Variants in TENM2 observed in about 807,000 individuals in gnomAD.
The protein encoded by TENM2 is teneurin-2.
In TENM2, 52 loss-of-function variants were observed where a neutral mutation model predicts 245.2. The ratio of observed to expected loss-of-function variants is 0.21; its 90% CI spans 0.17 to 0.27. The LOEUF is 0.27. Ranked by LOEUF, TENM2 falls within the 10% of genes least tolerant of loss-of-function variation. TENM2 has a pLI of 1.00. For synonymous variants in TENM2, 1,363 were observed against 1,438.9 expected (o/e 0.95, Z 1.19); for missense variants, 3,046 against 3,666.8 (o/e 0.83, Z 4.37).
At chr5:167,150,911 G>T in the TENM2 span, among the ~76,000 whole-genome samples, 1 of 152,118 alleles carries the variant, frequency 6.6e-6, no homozygotes, top group Non-Finnish European at 1.5e-5. Context: ...GGCCATTTAA[G>T]TACATTATTT....
chr5:167,855,725 G>A (rs565541111), intron 2 of TENM2, among the ~76,000 whole-genome samples: 19 of 138,992 alleles, frequency 1.4e-4, no homozygotes, highest in African/African-American at 4.8e-4. Context: ...AAGGAAAGAA[G>A]GGAGGGAGGG....
At chr5:167,841,965 A>G (rs996471983) in intron 2 of TENM2, among the ~76,000 whole-genome samples, 4 of 152,032 alleles carry the variant, frequency 2.6e-5, no homozygotes, top group Non-Finnish European at 4.4e-5. Flanking sequence ...GTCTCTCTCT[A>G]TATATACACA....
intron 2 of TENM2, among the ~76,000 whole-genome samples, chr5:167,702,905 C>T (rs933007481): frequency 3.9e-5 from 6 of 152,164 alleles, no homozygotes; most frequent in South Asian, 2.1e-4. Flanking sequence ...CCCCATGATT[C>T]GCCCGCCTCA....
chr5:167,458,494 CAAAAAAAAA>C (rs70976430), intron 2 of TENM2, among the ~76,000 whole-genome samples: 1 of 82,012 alleles, frequency 1.2e-5, no homozygotes, highest in African/African-American at 4.4e-5. Context: ...CTCAAAAAAA[CAAAAAAAAA>C]AAAAAAAAAA....
At chr5:167,205,003 G>GTGC in the TENM2 span, among the ~76,000 whole-genome samples, 2 of 152,158 alleles carry the variant, frequency 1.3e-5, no homozygotes, top group Non-Finnish European at 2.9e-5. Context: ...AGTAATATAT[G>GTGC]TGCCCCACTG....
intron 17 of TENM2, 44 bp from the exon 20 acceptor site, chr5:168,203,645 C>G: frequency 9.8e-6 from 15 of 1,531,660 alleles, no homozygotes; most frequent in Non-Finnish European, 1.3e-5. Flanking sequence ...ATCAAGTAAA[C>G]TCTCTCTTTT....
At chr5:168,105,215 T>C (rs1274311859) in intron 9 of TENM2, among the ~76,000 whole-genome samples, 1 of 152,132 alleles carries the variant, frequency 6.6e-6, no homozygotes, top group Non-Finnish European at 1.5e-5. Context: ...AGGGACTTAT[T>C]ATACTCACAG....
At chr5:167,235,715 G>T in the TENM2 span, among the ~76,000 whole-genome samples, 1 of 152,088 alleles carries the variant, frequency 6.6e-6, no homozygotes, top group African/African-American at 2.4e-5. Flanking sequence ...AACTCCAGCA[G>T]AAAAAGACCA....
chr5:167,439,878 C>T lies in TENM2; in HGVS notation c.502+64405C>T, dbSNP rs151074751. On this transcript the variant is annotated intron_variant, in intron 2 of 28. Coordinates refer to ENST00000518659, the Ensembl canonical transcript of TENM2. ...AAAGAATAAAATTATAAATCACTAC[C>T]GTGGCCACATTTTAAAAGATATAAT... 4.5e-3 allele frequency among the ~76,000 whole-genome samples: 687 copies of T among 152,192 alleles called. 5 individuals carry two copies. The highest frequency in any genetic ancestry group is 5.1e-3 in the Non-Finnish European group (348 of 68,012).
chr5:167,306,498 A>AC (rs1424733454), intron 1 of TENM2: 2 of 152,214 alleles, frequency 1.3e-5, no homozygotes. Context: ...TTAAAAAAAA[A>AC]AACAACAACT....
At chr5:167,451,699 A>T (rs1353424979) in intron 2 of TENM2, among the ~76,000 whole-genome samples, 1 of 151,058 alleles carries the variant, frequency 6.6e-6, no homozygotes, top group Non-Finnish European at 1.5e-5. Context: ...CCCAGGCTGG[A>T]GTGCAGTGGC....
chr5:167,175,893 A>G, the TENM2 span, among the ~76,000 whole-genome samples: 6 of 152,140 alleles, frequency 3.9e-5, no homozygotes, highest in Non-Finnish European at 7.4e-5. Context: ...CATTTTTAGT[A>G]GAGATGGGGT....
the TENM2 span, among the ~76,000 whole-genome samples, chr5:167,095,484 A>G: frequency 6.6e-6 from 1 of 152,162 alleles, no homozygotes; most frequent in African/African-American, 2.4e-5. Context: ...AAATCCTGTA[A>G]GTCTTGGCCC....
intron 2 of TENM2, among the ~76,000 whole-genome samples, chr5:167,870,364 T>C (rs1772702775): frequency 1.3e-5 from 2 of 151,990 alleles, no homozygotes; most frequent in African/African-American, 4.8e-5. Flanking sequence ...TGGAACATAG[T>C]AAAATGAAAT....
At chr5:167,483,609 A>G (rs560609099) in intron 2 of TENM2, among the ~76,000 whole-genome samples, 1 of 152,356 alleles carries the variant, frequency 6.6e-6, no homozygotes, top group African/African-American at 2.4e-5. Context: ...ATTAGTTTTT[A>G]GTCAAATTCT....
chr5:167,206,322 A>G, the TENM2 span, among the ~76,000 whole-genome samples: 14 of 151,882 alleles, frequency 9.2e-5, no homozygotes, highest in Admixed American at 2.0e-4. Context: ...GTGTTTTATT[A>G]TTTCTCTCCC....
intron 5 of TENM2, among the ~76,000 whole-genome samples, chr5:168,030,998 T>C (rs923640743): frequency 1.3e-5 from 2 of 152,182 alleles, no homozygotes; most frequent in African/African-American, 4.8e-5. Flanking sequence ...GGAAATCATT[T>C]AGAATTTTCC....
the TENM2 span, among the ~76,000 whole-genome samples, chr5:167,221,111 A>C: frequency 6.6e-6 from 1 of 152,126 alleles, no homozygotes; most frequent in Non-Finnish European, 1.5e-5. Context: ...TACAGGCATG[A>C]ACCACCGCAC....
chr5:168,225,638 G>T (rs1764101408), intron 23 of TENM2, among the ~76,000 whole-genome samples: 2 of 151,976 alleles, frequency 1.3e-5, no homozygotes, highest in Non-Finnish European at 2.9e-5. Context: ...GTGCATGCCT[G>T]TAATCCCAGC....
Sources: gnomAD v4.1 joint callset for allele counts (sites outside exome capture counted in the v4.1 genomes callset) on GRCh38, gnomAD v4.1.1 for gene constraint, MANE v1.5 for transcripts, NCBI Gene and HGNC (gene_info 2026-07-23, HGNC 2026-07-21) for gene names.